PAPPA2: variants seen among roughly 807,000 people sequenced by gnomAD.
PAPPA2 encodes pappalysin-2.
In PAPPA2, 86 loss-of-function variants were observed where a neutral mutation model predicts 176.4. The observed-to-expected ratio is 0.49, with a 90% CI of 0.41 to 0.58. The LOEUF (loss-of-function observed/expected upper bound fraction) is 0.58, where lower values mean the gene tolerates loss of function less well. PAPPA2 is among the 20% of genes least tolerant of loss of function. PAPPA2 has a pLI of 0.00. For missense variants in PAPPA2, 2,073 were observed against 2,256.9 expected, an observed-to-expected ratio of 0.92 and a Z score of 1.65; for synonymous variants, 809 against 852.2, an observed-to-expected ratio of 0.95 and a Z score of 0.88.
At chr1:176,787,056 C>T (rs1664967722) in intron 17 of PAPPA2, among the ~76,000 whole-genome samples, 1 of 152,004 alleles carries the variant, frequency 6.6e-6, no homozygotes, top group Admixed American at 6.5e-5. Context: ...CAAACTTGCA[C>T]ATGTACCCCT....
intron 1 of PAPPA2, among the ~76,000 whole-genome samples, chr1:176,502,660 G>A (rs1648032009): frequency 6.6e-6 from 1 of 152,170 alleles, no homozygotes; most frequent in African/African-American, 2.4e-5. Flanking sequence ...CTCTCCATAT[G>A]AAAGGCAAGT....
At chr1:176,518,144 C>T (rs1014327043) in intron 1 of PAPPA2, among the ~76,000 whole-genome samples, 2 of 152,134 alleles carry the variant, frequency 1.3e-5, no homozygotes, top group Admixed American at 6.6e-5. Context: ...CTTACCTATT[C>T]GTCTGTTCAT....
chr1:176,623,630 ACTTTCTTTCTTTCTTTCTTTCTTT>A (rs200126031), intron 3 of PAPPA2, among the ~76,000 whole-genome samples: 1 of 83,980 alleles, frequency 1.2e-5, no homozygotes, highest in Non-Finnish European at 2.2e-5. Flanking sequence ...TTCCTTTTTT[ACTTTCTTTCTTTCTTTCTTTCTTT>A]CTTTCTTTCT....
At chr1:176,506,786 A>G (rs1214088045) in intron 1 of PAPPA2, among the ~76,000 whole-genome samples, 1 of 152,166 alleles carries the variant, frequency 6.6e-6, no homozygotes, top group Non-Finnish European at 1.5e-5. Flanking sequence ...AGAGAATCGT[A>G]TCATCAGTGA....
chr1:176,802,190 G>C (rs891852643), intron 21 of PAPPA2, among the ~76,000 whole-genome samples: 1 of 152,128 alleles, frequency 6.6e-6, no homozygotes, highest in South Asian at 2.1e-4. Flanking sequence ...CGCCCCAACC[G>C]AGAGTTTGTT....
intron 17 of PAPPA2, among the ~76,000 whole-genome samples, chr1:176,779,139 G>T (rs1216067308): frequency 6.6e-6 from 1 of 152,114 alleles, no homozygotes; most frequent in Non-Finnish European, 1.5e-5. Context: ...TATATTGACT[G>T]CTAATATCTA....
At chr1:176,525,295 A>G (rs1370906323) in intron 1 of PAPPA2, among the ~76,000 whole-genome samples, 1 of 152,174 alleles carries the variant, frequency 6.6e-6, no homozygotes, top group Non-Finnish European at 1.5e-5. Flanking sequence ...CCATATCTTC[A>G]TTTCAAGCAT....
intron 17 of PAPPA2, among the ~76,000 whole-genome samples, chr1:176,789,250 CA>C (rs1281938681): frequency 6.6e-6 from 1 of 152,158 alleles, no homozygotes; most frequent in Non-Finnish European, 1.5e-5. Flanking sequence ...ATGTCCTTTG[CA>C]GGGGCATGGA....
chr1:176,500,911 C>A (rs933630581), intron 1 of PAPPA2, among the ~76,000 whole-genome samples: 7 of 152,082 alleles, frequency 4.6e-5, no homozygotes, highest in East Asian at 1.9e-4. Flanking sequence ...ATAGCCTTAG[C>A]AAATTGGTTT....
intron 17 of PAPPA2, among the ~76,000 whole-genome samples, chr1:176,783,578 G>A (rs1424583610): frequency 6.6e-6 from 1 of 152,196 alleles, no homozygotes; most frequent in Non-Finnish European, 1.5e-5. Context: ...CTTCTAACTT[G>A]GAAATTGTGC....
intron 3 of PAPPA2, among the ~76,000 whole-genome samples, chr1:176,613,947 A>C (rs1429453146): frequency 2.6e-5 from 4 of 152,204 alleles, no homozygotes; most frequent in Admixed American, 2.6e-4. Flanking sequence ...TGGCATGGAA[A>C]GCAGCCTGCA....
In PAPPA2 at chr1:176,844,947, A is replaced by G. The variant is rs935295698; in HGVS notation, c.*2493A>G. On this transcript the variant is annotated 3_prime_UTR_variant, in exon 23 of 23. Transcript: ENST00000367662. ...AATTCACCACTGCTCTGGGAAAGCA[A>G]AAGGAAAGTTCCTGTTGTGTGTGAA... 2 of 152,300 alleles carry G rather than the reference A, an allele frequency of 1.3e-5. No individual in the cohort carries two copies. The highest frequency in any genetic ancestry group is 1.3e-4 in the Admixed American group (2 of 15,300). 9.4% of individuals were successfully genotyped at this position (152,300 alleles called of 1,614,324 possible).
intron 11 of PAPPA2, among the ~76,000 whole-genome samples, chr1:176,710,679 A>C (rs1274767856): frequency 6.6e-6 from 1 of 152,218 alleles, no homozygotes. Context: ...CTTGGGACCT[A>C]TTCTAGATGC....
intron 1 of PAPPA2, among the ~76,000 whole-genome samples, chr1:176,466,116 C>T (rs914337033): frequency 6.6e-6 from 1 of 151,900 alleles, no homozygotes; most frequent in Non-Finnish European, 1.5e-5. Flanking sequence ...AAGGGTATTA[C>T]CTTTAATAAT....
rs1051523728 is a variant in PAPPA2 at position 176,503,038 on chromosome 1, A to T, written c.-917+39620A>T. On this transcript the variant is annotated intron_variant, in intron 1 of 22. Coordinates refer to ENST00000367662, the MANE Select transcript of PAPPA2 (RefSeq NM_020318.3). The stretch of plus-strand genomic sequence containing the variant: ...AATGACACAAATATATTACCTTGTA[A>T]TTCTGCAGGTTAGAAGTTTGGGGTA... Among the ~76,000 whole-genome samples the T allele has an allele frequency of 2.0e-5, 3 of 152,268 alleles. No homozygotes were observed. The South Asian group carries it at 6.2e-4, about 32-fold the overall frequency.
chr1:176,817,578 A>G (rs1666455415), intron 21 of PAPPA2, among the ~76,000 whole-genome samples: 1 of 152,160 alleles, frequency 6.6e-6, no homozygotes, highest in Non-Finnish European at 1.5e-5. Context: ...CAGACAAGGC[A>G]CCAATAGTAT....
chr1:176,580,378 T>C (rs1173904851), intron 2 of PAPPA2, among the ~76,000 whole-genome samples: 1 of 152,234 alleles, frequency 6.6e-6, no homozygotes, highest in East Asian at 1.9e-4. Flanking sequence ...AAATTGTGTT[T>C]ATATACTGCA....
intron 8 of PAPPA2, among the ~76,000 whole-genome samples, chr1:176,701,077 C>CAT (rs1553393769): frequency 6.7e-6 from 1 of 150,294 alleles, no homozygotes; most frequent in Non-Finnish European, 1.5e-5. Context: ...CACACACACA[C>CAT]ATGTTTAAGG....
intron 18 of PAPPA2, among the ~76,000 whole-genome samples, chr1:176,790,197 C>G (rs1173472019): frequency 6.6e-6 from 1 of 152,112 alleles, no homozygotes; most frequent in African/African-American, 2.4e-5. Flanking sequence ...TAAGAAGAAT[C>G]CAATGGGTAG....
Sources: allele counts gnomAD v4.1 joint callset (sites outside exome capture counted in the v4.1 genomes callset), GRCh38; gene constraint gnomAD v4.1.1; transcripts MANE v1.5; gene names NCBI Gene and HGNC (gene_info 2026-07-23, HGNC 2026-07-21).